Variants in CLMP observed in about 807,000 individuals in gnomAD.
CLMP encodes CXADR like cell adhesion molecule, also known as CXADR-like membrane protein.
A neutral mutation model predicts 45.2 loss-of-function variants in CLMP; 27 were observed. That is an observed-to-expected ratio of 0.60 (90% confidence interval 0.44 to 0.82). CLMP has a LOEUF of 0.82. Ranked by LOEUF, CLMP falls within the 40% of genes least tolerant of loss-of-function variation. The pLI is 0.00. For synonymous variants in CLMP, 167 were observed against 171.4 expected (o/e 0.97, Z 0.20); for missense variants, 403 against 448.4 (o/e 0.90, Z 0.91).
chr11:123,157,722 C>CAAAA (rs869197042), intron 1 of CLMP, among the ~76,000 whole-genome samples: 27 of 71,142 alleles, frequency 3.8e-4, no homozygotes, highest in Non-Finnish European at 4.5e-4. Context: ...GAGTGAAACT[C>CAAAA]AAAAAAAAAA....
chr11:123,087,982 C>T (rs1431897234), intron 2 of CLMP, among the ~76,000 whole-genome samples: 3 of 151,358 alleles, frequency 2.0e-5, no homozygotes, highest in Admixed American at 6.6e-5. Flanking sequence ...ATGATCTTGG[C>T]TCACCACAAC....
intron 1 of CLMP, among the ~76,000 whole-genome samples, chr11:123,149,511 A>G (rs1861282620): frequency 6.6e-6 from 1 of 152,200 alleles, no homozygotes; most frequent in Non-Finnish European, 1.5e-5. Flanking sequence ...ACTTCATTTC[A>G]GGTGAGCTCT....
intron 4 of CLMP, 92 bp downstream of exon 4, chr11:123,083,588 G>C (rs558641079): frequency 7.8e-7 from 1 of 1,289,630 alleles, no homozygotes; most frequent in East Asian, 2.3e-5. Context: ...GGTATTTCAG[G>C]TCACATAGTG....
At chr11:123,113,215 T>G (rs1860667258) in intron 1 of CLMP, among the ~76,000 whole-genome samples, 1 of 152,062 alleles carries the variant, frequency 6.6e-6, no homozygotes, top group Non-Finnish European at 1.5e-5. Flanking sequence ...CACCCAGAGG[T>G]GAGTAACCTG....
chr11:123,086,580 C>A lies in CLMP; in HGVS notation c.187-1867G>T, dbSNP rs567759415. 5.3e-5 allele frequency among the ~76,000 whole-genome samples: 8 copies of A among 152,298 alleles called. No homozygotes were observed. The South Asian group carries it at 1.0e-3, about 20-fold the overall frequency. ...TCAGATAAAACCTATGAACTCTGAC[C>A]CAGAAAAAACTCACATATTATTTTG... On this transcript the variant is annotated intron_variant, in intron 2 of 6. Coordinates refer to ENST00000448775, the MANE Select transcript of CLMP (RefSeq NM_024769.5).
Position 123,194,993 on chromosome 11 carries a change from G to A in CLMP, c.-53C>T, listed in dbSNP as rs953948071. The A allele has an allele frequency of 6.3e-5, 100 of 1,581,356 alleles. No homozygotes were observed. The highest frequency in any genetic ancestry group is 7.6e-5 in the Non-Finnish European group (88 of 1,163,616). ...CGCTCAGCTGCTGCTTGGCTCCGGGGCGGCCGGGCGCCTCCGACGGACCTC... is the reference window on the plus strand; with the variant it reads ...CGCTCAGCTGCTGCTTGGCTCCGGGACGGCCGGGCGCCTCCGACGGACCTC... On this transcript the variant is annotated 5_prime_UTR_variant, in exon 1 of 7. Coordinates refer to ENST00000448775, the MANE Select transcript of CLMP (RefSeq NM_024769.5).
intron 1 of CLMP, among the ~76,000 whole-genome samples, chr11:123,109,490 C>G (rs772009648): frequency 7.2e-5 from 11 of 152,150 alleles, no homozygotes; most frequent in Non-Finnish European, 1.6e-4. Flanking sequence ...TTTCCTTCCC[C>G]ACACCGAAGA....
chr11:123,073,371 G>T lies in CLMP; in HGVS notation c.*103C>A. 7.9e-7 allele frequency: 1 copy of T among 1,263,324 alleles called. No individual in the cohort carries two copies. The highest frequency in any genetic ancestry group is 1.1e-6 in the Non-Finnish European group (1 of 910,404). 78.3% of individuals were successfully genotyped at this position (1,263,324 alleles called of 1,614,324 possible). A position where few individuals can be genotyped will look rare whatever the true frequency, so the allele number is the denominator to read the frequency against. On this transcript the variant is annotated 3_prime_UTR_variant, in exon 7 of 7. Coordinates refer to ENST00000448775, the MANE Select transcript of CLMP (RefSeq NM_024769.5). Reference sequence around the variant, plus strand: ...GTGCAATGCTCACTGCTACTTAGATGACCTCTCATCTGGTTGTGTGGCTGG... The same window carrying T: ...GTGCAATGCTCACTGCTACTTAGATTACCTCTCATCTGGTTGTGTGGCTGG...
rs1865682377 is a variant in CLMP, at chr11:123,072,419, C to T, written c.*1055G>A. The T allele has an allele frequency of 6.6e-6, 1 of 151,898 alleles. No homozygotes were observed. The highest frequency in any genetic ancestry group is 1.5e-5 in the Non-Finnish European group (1 of 68,014). 9.4% of individuals were successfully genotyped at this position (151,898 alleles called of 1,614,324 possible). ...CACCTGCTGGATTTTCCTACAGGTGCCTGGCACCATGCCCGGCTACCTTCC... is the reference window on the plus strand; with the variant it reads ...CACCTGCTGGATTTTCCTACAGGTGTCTGGCACCATGCCCGGCTACCTTCC... On this transcript the variant is annotated 3_prime_UTR_variant, in exon 7 of 7. Coordinates refer to ENST00000448775, the MANE Select transcript of CLMP (RefSeq NM_024769.5).
At chr11:123,189,393 C>T (rs550595987) in intron 1 of CLMP, among the ~76,000 whole-genome samples, 27 of 152,298 alleles carry the variant, frequency 1.8e-4, no homozygotes, top group African/African-American at 6.3e-4. Context: ...AAGAAGCTCA[C>T]TTTACTTCTC....
At chr11:123,140,779 A>G (rs971274860) in intron 1 of CLMP, among the ~76,000 whole-genome samples, 2 of 152,124 alleles carry the variant, frequency 1.3e-5, no homozygotes, top group African/African-American at 4.8e-5. Flanking sequence ...AGTTGCACCT[A>G]TCCATACCCC....
intron 1 of CLMP, among the ~76,000 whole-genome samples, chr11:123,180,830 T>C (rs1300365424): frequency 1.3e-5 from 2 of 152,160 alleles, no homozygotes; most frequent in Non-Finnish European, 2.9e-5. Flanking sequence ...GCAAAGACTC[T>C]GAGACAGAAA....
At chr11:123,101,684 C>T (rs1480502361) in intron 1 of CLMP, among the ~76,000 whole-genome samples, 1 of 152,236 alleles carries the variant, frequency 6.6e-6, no homozygotes, top group Admixed American at 6.5e-5. Flanking sequence ...CCTGGATCTT[C>T]CCTTTCCCTT....
chr11:123,119,036 T>C (rs1379343263), intron 1 of CLMP, among the ~76,000 whole-genome samples: 2 of 57,810 alleles, frequency 3.5e-5, no homozygotes, highest in African/African-American at 9.3e-5. Flanking sequence ...TCTCTCTCTC[T>C]CTCTCTCTCC....
At chr11:123,150,985 G>A (rs573969954) in intron 1 of CLMP, among the ~76,000 whole-genome samples, 83 of 152,298 alleles carry the variant, frequency 5.4e-4, no homozygotes, top group African/African-American at 1.9e-3. Flanking sequence ...TTACAGGCGC[G>A]AGCCACTGTG....
At chr11:123,147,903 G>A (rs1861261197) in intron 1 of CLMP, among the ~76,000 whole-genome samples, 2 of 150,554 alleles carry the variant, frequency 1.3e-5, no homozygotes, top group African/African-American at 2.5e-5. Flanking sequence ...GCCTCGAACT[G>A]CTGACCTCAA....
chr11:123,161,520 A>G (rs1288545571), intron 1 of CLMP, among the ~76,000 whole-genome samples: 1 of 152,040 alleles, frequency 6.6e-6, no homozygotes, highest in African/African-American at 2.4e-5. Flanking sequence ...AAAAAAATAC[A>G]AAGAATTAGC....
At chr11:123,107,093 C>T (rs976298433) in intron 1 of CLMP, among the ~76,000 whole-genome samples, 2 of 149,948 alleles carry the variant, frequency 1.3e-5, no homozygotes, top group African/African-American at 4.9e-5. Flanking sequence ...GTCTCAGATG[C>T]TCTTTCTGCC....
At chr11:123,139,764 C>A (rs1229754612) in intron 1 of CLMP, among the ~76,000 whole-genome samples, 2 of 151,600 alleles carry the variant, frequency 1.3e-5, no homozygotes, top group South Asian at 4.2e-4. Flanking sequence ...TGCAGTGAGC[C>A]GAGATTGCGC....
Sources: gnomAD v4.1 joint callset for allele counts (sites outside exome capture counted in the v4.1 genomes callset) on GRCh38, gnomAD v4.1.1 for gene constraint, MANE v1.5 for transcripts, NCBI Gene and HGNC (gene_info 2026-07-23, HGNC 2026-07-21) for gene names.